Variants in PDE8B observed in about 807,000 individuals in gnomAD.
PDE8B encodes the protein phosphodiesterase 8B.
Under a neutral mutation model 101.3 loss-of-function variants are expected in PDE8B, and 26 were observed. The ratio of observed to expected loss-of-function variants is 0.26; its 90% CI spans 0.19 to 0.36. The LOEUF (loss-of-function observed/expected upper bound fraction) is 0.36, where lower values mean the gene tolerates loss of function less well. PDE8B is among the 10% of genes least tolerant of loss of function. PDE8B has a pLI of 1.00. For missense variants in PDE8B, 810 were observed against 1,163.1 expected, an observed-to-expected ratio of 0.70 and a Z score of 4.42; for synonymous variants, 424 against 429.3, an observed-to-expected ratio of 0.99 and a Z score of 0.15.
At position 77,264,610 on chromosome 5, in the gene PDE8B, G is replaced by C. The variant is rs553021011; in HGVS notation, c.340-47384G>C. 1.8e-4 allele frequency among the ~76,000 whole-genome samples: 28 copies of C among 152,176 alleles called. No individual in the cohort carries two copies. The South Asian group carries it at 4.4e-3, about 24-fold the overall frequency. On this transcript the variant is annotated intron_variant, in intron 1 of 21. Transcript: ENST00000264917. ...AGCAAAAAGTAGGGGGTGATTTGGGGGCAGTGGAGCTAAGTGCCAGTAAGT... is the reference window on the plus strand; with the variant it reads ...AGCAAAAAGTAGGGGGTGATTTGGGCGCAGTGGAGCTAAGTGCCAGTAAGT...
the PDE8B span, among the ~76,000 whole-genome samples, chr5:77,155,096 G>A: frequency 6.6e-6 from 1 of 152,136 alleles, no homozygotes; most frequent in Non-Finnish European, 1.5e-5. Flanking sequence ...AGATGGGCCT[G>A]TTTTCAAGAA....
At chr5:77,273,383 A>G (rs370360401) in intron 1 of PDE8B, among the ~76,000 whole-genome samples, 2 of 152,196 alleles carry the variant, frequency 1.3e-5, no homozygotes, top group Admixed American at 6.5e-5. Context: ...TCGTTTATTA[A>G]TTTGGTTTTT....
At chr5:77,313,294 A>G (rs6453298) in intron 2 of PDE8B, among the ~76,000 whole-genome samples, 117,463 of 149,940 alleles carry the variant, frequency 0.78, 46,076 homozygotes, top group East Asian at 0.97. Context: ...AATCTAGGAA[A>G]GGAAAAAAAA....
chr5:77,413,334 G>T (rs1203683448), intron 17 of PDE8B, 25 bp downstream of exon 17: 2 of 1,584,958 alleles, frequency 1.3e-6, no homozygotes, highest in Non-Finnish European at 1.7e-6. Flanking sequence ...TCATGACCTA[G>T]TTACCTGCCT....
chr5:77,327,048 G>A (rs1414767019), intron 3 of PDE8B, among the ~76,000 whole-genome samples: 1 of 152,204 alleles, frequency 6.6e-6, no homozygotes, highest in Non-Finnish European at 1.5e-5. Context: ...ATGCAGTTTA[G>A]AAGTCAGATG....
intron 1 of PDE8B, among the ~76,000 whole-genome samples, chr5:77,285,363 C>T (rs140898940): frequency 1.3e-5 from 2 of 152,172 alleles, no homozygotes; most frequent in African/African-American, 2.4e-5. Flanking sequence ...TTTCTTATAA[C>T]GAAGATCTGT....
At chr5:77,197,525 G>GT in the PDE8B span, among the ~76,000 whole-genome samples, 2,124 of 146,808 alleles carry the variant, frequency 0.014, 41 homozygotes, top group African/African-American at 0.048. Flanking sequence ...GATTTAATTT[G>GT]TTTTTTTTTT....
chr5:77,107,673 A>G, the PDE8B span, among the ~76,000 whole-genome samples: 1 of 152,218 alleles, frequency 6.6e-6, no homozygotes, highest in African/African-American at 2.4e-5. Context: ...TAGATGTCCT[A>G]AAACATAGTC....
the PDE8B span, among the ~76,000 whole-genome samples, chr5:77,160,059 G>A: frequency 6.6e-6 from 1 of 152,128 alleles, no homozygotes; most frequent in Non-Finnish European, 1.5e-5. Flanking sequence ...TTTGAAGAGG[G>A]AATGCAGGCA....
At chr5:77,412,657 G>GCCAACACC in intron 16 of PDE8B, among the ~76,000 whole-genome samples, 1 of 152,050 alleles carries the variant, frequency 6.6e-6, no homozygotes, top group Non-Finnish European at 1.5e-5. Context: ...AGAGGTGTTG[G>GCCAACACC]TCTGTTGGAT....
At chr5:77,089,127 AGT>A in the PDE8B span, among the ~76,000 whole-genome samples, 1 of 150,786 alleles carries the variant, frequency 6.6e-6, no homozygotes. Flanking sequence ...GCAGGAGTTG[AGT>A]AAGGGGCAAG....
At chr5:77,191,203 C>G in the PDE8B span, among the ~76,000 whole-genome samples, 4 of 151,170 alleles carry the variant, frequency 2.6e-5, no homozygotes, top group Non-Finnish European at 5.9e-5. Flanking sequence ...TTACCTCCCT[C>G]AAGGCCCTAT....
At chr5:77,228,924 A>C (rs1322407960) in intron 1 of PDE8B, among the ~76,000 whole-genome samples, 1 of 152,192 alleles carries the variant, frequency 6.6e-6, no homozygotes, top group Non-Finnish European at 1.5e-5. Context: ...TTTTAATTTT[A>C]CAATTAGGAA....
the PDE8B span, among the ~76,000 whole-genome samples, chr5:77,170,984 A>C: frequency 6.6e-6 from 1 of 152,232 alleles, no homozygotes; most frequent in Admixed American, 6.5e-5. Context: ...ACTCTTCAAA[A>C]CTTGGGAGTG....
intron 10 of PDE8B, among the ~76,000 whole-genome samples, chr5:77,356,076 C>T (rs376937562): frequency 6.6e-6 from 1 of 152,206 alleles, no homozygotes; most frequent in African/African-American, 2.4e-5. Context: ...GACTTCATTT[C>T]TTGAAGATAA....
chr5:77,220,408 G>A (rs1750849886), intron 1 of PDE8B, among the ~76,000 whole-genome samples: 1 of 152,186 alleles, frequency 6.6e-6, no homozygotes, highest in Non-Finnish European at 1.5e-5. Context: ...GGACAAGGAG[G>A]TGGGGCAAAA....
intron 20 of PDE8B, among the ~76,000 whole-genome samples, chr5:77,423,077 G>A (rs1208315462): frequency 6.6e-6 from 1 of 152,168 alleles, no homozygotes; most frequent in Non-Finnish European, 1.5e-5. Context: ...TGTACCCAAT[G>A]TTTAGCTACC....
chr5:77,248,745 G>A (rs928551916), intron 1 of PDE8B, among the ~76,000 whole-genome samples: 5 of 152,200 alleles, frequency 3.3e-5, no homozygotes, highest in African/African-American at 1.2e-4. Flanking sequence ...CCAAATTCAT[G>A]TGTTGAAGCC....
intron 1 of PDE8B, chr5:77,291,715 A>G (rs1767387932): frequency 6.3e-7 from 1 of 1,593,522 alleles, no homozygotes; most frequent in Non-Finnish European, 8.6e-7. Context: ...TCTGGCAGTG[A>G]TGCCTGGAAA....
Sources: allele counts gnomAD v4.1 joint callset (sites outside exome capture counted in the v4.1 genomes callset), GRCh38; gene constraint gnomAD v4.1.1; transcripts MANE v1.5; gene names NCBI Gene and HGNC (gene_info 2026-07-23, HGNC 2026-07-21).